Variants in RBFOX1 observed in about 807,000 individuals in gnomAD.
RBFOX1 encodes the protein RNA binding fox-1 homolog 1.
Under a neutral mutation model 57.7 loss-of-function variants are expected in RBFOX1, and 8 were observed. The observed-to-expected ratio is 0.14, with a 90% CI of 0.08 to 0.25. The LOEUF (loss-of-function observed/expected upper bound fraction) is 0.25. Ranked by LOEUF, RBFOX1 falls within the 10% of genes least tolerant of loss-of-function variation. RBFOX1 has a pLI of 1.00. For missense variants in RBFOX1, 611 were observed against 548.5 expected, an observed-to-expected ratio of 1.11 and a Z score of -1.14; for synonymous variants, 326 against 222.4, an observed-to-expected ratio of 1.47 and a Z score of -4.15.
chr16:5,971,034 T>C (rs917053207), intron 4 of RBFOX1, among the ~76,000 whole-genome samples: 1 of 152,236 alleles, frequency 6.6e-6, no homozygotes, highest in Non-Finnish European at 1.5e-5. Flanking sequence ...TACCAGAGGA[T>C]GCTCCCTGTG....
intron 4 of RBFOX1, among the ~76,000 whole-genome samples, chr16:6,002,149 A>G (rs1470188238): frequency 6.6e-6 from 1 of 151,566 alleles, no homozygotes; most frequent in Non-Finnish European, 1.5e-5. Flanking sequence ...TTAAAAGATA[A>G]TTTTTTTTAT....
At chr16:6,934,236 CTT>C (rs1171893200) in intron 3 of RBFOX1, among the ~76,000 whole-genome samples, 1 of 152,186 alleles carries the variant, frequency 6.6e-6, no homozygotes, top group Non-Finnish European at 1.5e-5. Context: ...AGAGCGGTAA[CTT>C]GAGTCACTGT....
intron 3 of RBFOX1, among the ~76,000 whole-genome samples, chr16:6,993,502 C>T (rs772761747): frequency 3.9e-5 from 6 of 152,044 alleles, no homozygotes; most frequent in Admixed American, 1.3e-4. Context: ...ATTGAAGAAA[C>T]GGAATCTGTG....
intron 1 of RBFOX1, among the ~76,000 whole-genome samples, chr16:6,069,139 A>G (rs1391195327): frequency 2.0e-5 from 3 of 152,090 alleles, no homozygotes; most frequent in Non-Finnish European, 4.4e-5. Context: ...CGGCTGACGC[A>G]TGTAATCCCA....
intron 4 of RBFOX1, among the ~76,000 whole-genome samples, chr16:7,400,099 A>C (rs370692159): frequency 6.6e-6 from 1 of 152,138 alleles, no homozygotes; most frequent in Non-Finnish European, 1.5e-5. Context: ...TAGTCACCCA[A>C]CTAAGAAAGT....
chr16:5,547,372 G>A (rs1053252021), intron 2 of RBFOX1, among the ~76,000 whole-genome samples: 6 of 152,164 alleles, frequency 3.9e-5, no homozygotes, highest in African/African-American at 1.4e-4. Flanking sequence ...ATTATCAGGT[G>A]AATGTAGAAA....
chr16:6,077,213 G>A (rs1326905478), intron 1 of RBFOX1, among the ~76,000 whole-genome samples: 1 of 152,108 alleles, frequency 6.6e-6, no homozygotes, highest in East Asian at 1.9e-4. Flanking sequence ...CCCTGCCACG[G>A]TTCTCTGCTG....
intron 3 of RBFOX1, among the ~76,000 whole-genome samples, chr16:6,701,141 G>GTA (rs2061781118): frequency 6.6e-6 from 1 of 151,786 alleles, no homozygotes; most frequent in African/African-American, 2.4e-5. Context: ...GTGTATGTGT[G>GTA]TGTGTGTGTG....
chr16:6,339,378 C>T (rs929189246), intron 2 of RBFOX1, among the ~76,000 whole-genome samples: 7 of 152,178 alleles, frequency 4.6e-5, no homozygotes, highest in Admixed American at 3.3e-4. Context: ...TGGGTTACAG[C>T]AGAGAAAGTG....
chr16:7,300,234 G>A (rs537129220), intron 4 of RBFOX1, among the ~76,000 whole-genome samples: 5 of 151,152 alleles, frequency 3.3e-5, no homozygotes, highest in African/African-American at 1.2e-4. Flanking sequence ...CCACCCACTA[G>A]AATGTAAACT....
intron 1 of RBFOX1, among the ~76,000 whole-genome samples, chr16:5,244,045 C>T (rs2062234352): frequency 6.6e-6 from 1 of 152,040 alleles, no homozygotes; most frequent in Non-Finnish European, 1.5e-5. Context: ...TACAGGTCCC[C>T]ACCACCACAG....
chr16:7,709,271 C>T, intron 15 of RBFOX1, 140 bp downstream of exon 15: 1 of 950,460 alleles, frequency 1.1e-6, no homozygotes, highest in Non-Finnish European at 1.6e-6. Context: ...TAAAATGCCA[C>T]ATTAATCCTC....
chr16:7,060,466 C>G (rs1017523151), intron 4 of RBFOX1, among the ~76,000 whole-genome samples: 2 of 152,182 alleles, frequency 1.3e-5, no homozygotes, highest in African/African-American at 4.8e-5. Context: ...GAAGTTATTT[C>G]TATATCACTT....
chr16:5,975,405 T>G (rs1220113785), intron 4 of RBFOX1, among the ~76,000 whole-genome samples: 1 of 152,230 alleles, frequency 6.6e-6, no homozygotes, highest in Non-Finnish European at 1.5e-5. Flanking sequence ...GGTGCCTGGC[T>G]GCTACATTAC....
chr16:6,248,032 A>G (rs1460102116), intron 1 of RBFOX1, among the ~76,000 whole-genome samples: 1 of 152,196 alleles, frequency 6.6e-6, no homozygotes, highest in African/African-American at 2.4e-5. Context: ...AATCCCTTCA[A>G]GTACAAAAGG....
rs59255711 is a variant in RBFOX1 at position 5,395,992 on chromosome 16, C to T, written c.220-71224C>T. On this transcript the variant is annotated intron_variant, in intron 1 of 2. Transcript: ENST00000585867. ...TAAGCCTGTGGGCTCAACAGCCCCACTGTTGCCTGAATTGTGTAGCCTGGT... is the reference window on the plus strand; with the variant it reads ...TAAGCCTGTGGGCTCAACAGCCCCATTGTTGCCTGAATTGTGTAGCCTGGT... 4.3e-3 allele frequency among the ~76,000 whole-genome samples: 648 copies of T among 152,316 alleles called. 8 individuals carry two copies. The highest frequency in any genetic ancestry group is 0.015 in the African/African-American group (621 of 41,568).
intron 2 of RBFOX1, among the ~76,000 whole-genome samples, chr16:6,470,973 C>G (rs908952745): frequency 6.6e-6 from 1 of 152,194 alleles, no homozygotes; most frequent in Non-Finnish European, 1.5e-5. Flanking sequence ...TCCAGAGGCT[C>G]TTCCTGCTTC....
chr16:6,865,447 A>G (rs915995786), intron 3 of RBFOX1, among the ~76,000 whole-genome samples: 1 of 152,098 alleles, frequency 6.6e-6, no homozygotes, highest in African/African-American at 2.4e-5. Context: ...CCATGGGGAT[A>G]TTTCCTTTCT....
At chr16:7,618,163 A>G (rs943280908) in intron 10 of RBFOX1, among the ~76,000 whole-genome samples, 1 of 152,206 alleles carries the variant, frequency 6.6e-6, no homozygotes, top group Non-Finnish European at 1.5e-5. Context: ...AAAATTTTAC[A>G]TAATGAAATC....
Sources: allele counts gnomAD v4.1 joint callset (sites outside exome capture counted in the v4.1 genomes callset), GRCh38; gene constraint gnomAD v4.1.1; transcripts MANE v1.5; gene names NCBI Gene and HGNC (gene_info 2026-07-23, HGNC 2026-07-21).